The following GPM6A variants were observed in gnomAD, a reference collection of about 807,000 sequenced individuals.
GPM6A encodes the protein neuronal membrane glycoprotein M6-a.
In GPM6A, 7 loss-of-function variants were observed where a neutral mutation model predicts 32.1. The observed-to-expected ratio is 0.22, with a 90% confidence interval of 0.12 to 0.41. The LOEUF (loss-of-function observed/expected upper bound fraction) is 0.41, where lower values mean the gene tolerates loss of function less well. GPM6A is among the 10% of genes least tolerant of loss of function. The pLI is 1.00. For missense variants in GPM6A, 235 were observed against 347.2 expected, an observed-to-expected ratio of 0.68 and a Z score of 2.57; for synonymous variants, 130 against 123.4, an observed-to-expected ratio of 1.05 and a Z score of -0.35.
intron 3 of GPM6A, among the ~76,000 whole-genome samples, chr4:175,657,534 T>A (rs1056095274): frequency 6.6e-6 from 1 of 152,166 alleles, no homozygotes; most frequent in Non-Finnish European, 1.5e-5. Context: ...CTTTAGACTC[T>A]GACAGGGTAC....
intron 1 of GPM6A, among the ~76,000 whole-genome samples, chr4:175,979,255 T>A (rs191399308): frequency 3.2e-3 from 480 of 152,290 alleles, no homozygotes; most frequent in Non-Finnish European, 3.2e-3. Context: ...AGCATCAATT[T>A]ATATTACTGA....
intron 1 of GPM6A, chr4:175,962,516 G>T: frequency 5.6e-6 from 3 of 532,058 alleles, no homozygotes; most frequent in South Asian, 4.9e-5. Context: ...TCCCAGCAGT[G>T]ACTGACTATA....
At chr4:175,650,180 T>C (rs1380937325) in intron 4 of GPM6A, among the ~76,000 whole-genome samples, 4 of 152,182 alleles carry the variant, frequency 2.6e-5, no homozygotes, top group Non-Finnish European at 4.4e-5. Flanking sequence ...CACATGTACA[T>C]ATGAGTACTA....
chr4:175,746,995 G>GCCT (rs1732129771), intron 1 of GPM6A, among the ~76,000 whole-genome samples: 1 of 152,086 alleles, frequency 6.6e-6, no homozygotes, highest in East Asian at 1.9e-4. Flanking sequence ...AACCTAGGCT[G>GCCT]GCATGGTGGC....
At chr4:175,742,171 A>T (rs924079574) in intron 1 of GPM6A, among the ~76,000 whole-genome samples, 1 of 152,112 alleles carries the variant, frequency 6.6e-6, no homozygotes, top group Non-Finnish European at 1.5e-5. Context: ...CTAAGTTAAT[A>T]CCCAAATACT....
intron 1 of GPM6A, among the ~76,000 whole-genome samples, chr4:175,741,986 G>T (rs979097972): frequency 3.3e-5 from 5 of 151,890 alleles, no homozygotes; most frequent in Admixed American, 6.6e-5. Flanking sequence ...TTAAAGGTAA[G>T]AATTAAATTA....
chr4:175,753,931 C>G (rs1194073357), intron 1 of GPM6A, among the ~76,000 whole-genome samples: 1 of 152,056 alleles, frequency 6.6e-6, no homozygotes, highest in Non-Finnish European at 1.5e-5. Flanking sequence ...CAACACATAC[C>G]AACGCACCAG....
chr4:175,855,924 A>G (rs1344193009), intron 1 of GPM6A, among the ~76,000 whole-genome samples: 2 of 152,262 alleles, frequency 1.3e-5, no homozygotes, highest in African/African-American at 4.8e-5. Flanking sequence ...ACTAGCAAAC[A>G]GGAGCACGTA....
At chr4:175,951,892 T>C (rs887023483) in intron 1 of GPM6A, among the ~76,000 whole-genome samples, 3 of 152,132 alleles carry the variant, frequency 2.0e-5, no homozygotes, top group Admixed American at 2.0e-4. Context: ...AAAGACCAGC[T>C]TCTCTGAACA....
intron 1 of GPM6A, among the ~76,000 whole-genome samples, chr4:175,828,351 G>A (rs1195516990): frequency 1.3e-5 from 2 of 152,126 alleles, no homozygotes; most frequent in African/African-American, 4.8e-5. Flanking sequence ...TTTAGCAGGG[G>A]GCATATTTTG....
intron 1 of GPM6A, among the ~76,000 whole-genome samples, chr4:175,806,290 C>T (rs1368940991): frequency 1.3e-5 from 2 of 152,224 alleles, no homozygotes; most frequent in African/African-American, 2.4e-5. Flanking sequence ...GAAGCCATCA[C>T]TCCAAGGACA....
intron 1 of GPM6A, among the ~76,000 whole-genome samples, chr4:175,757,830 C>A (rs533107796): frequency 1.3e-5 from 2 of 152,154 alleles, no homozygotes; most frequent in South Asian, 4.2e-4. Flanking sequence ...GTTGACTGAA[C>A]AAAGAACCAT....
intron 1 of GPM6A, among the ~76,000 whole-genome samples, chr4:175,973,362 T>C (rs1475414001): frequency 3.9e-5 from 6 of 152,222 alleles, no homozygotes; most frequent in Non-Finnish European, 7.3e-5. Context: ...AACACGGTTT[T>C]GCTGTTTAAC....
chr4:175,886,216 G>A (rs757510722), intron 1 of GPM6A, among the ~76,000 whole-genome samples: 113 of 152,040 alleles, frequency 7.4e-4, no homozygotes, highest in African/African-American at 1.5e-3. Flanking sequence ...AACTGTACTC[G>A]TTATAGGAAA....
intron 1 of GPM6A, among the ~76,000 whole-genome samples, chr4:175,984,371 G>A (rs1740909050): frequency 6.6e-6 from 1 of 152,044 alleles, no homozygotes; most frequent in African/African-American, 2.4e-5. Context: ...CACCGTGTCA[G>A]CCAGGATGGT....
chr4:175,929,254 A>C (rs1738947260), intron 1 of GPM6A, among the ~76,000 whole-genome samples: 1 of 152,228 alleles, frequency 6.6e-6, no homozygotes, highest in South Asian at 2.1e-4. Context: ...TTTCATAAGC[A>C]AAAAGGAACA....
intron 1 of GPM6A, among the ~76,000 whole-genome samples, chr4:175,998,614 T>G (rs1741383141): frequency 6.6e-6 from 1 of 152,232 alleles, no homozygotes; most frequent in African/African-American, 2.4e-5. Flanking sequence ...AATCTTCTAT[T>G]CATTCTCTTA....
intron 1 of GPM6A, among the ~76,000 whole-genome samples, chr4:175,988,368 C>T (rs896186384): frequency 4.6e-5 from 7 of 152,190 alleles, no homozygotes; most frequent in African/African-American, 1.4e-4. Context: ...TTTCAGCTTA[C>T]TTGTTCAGAA....
chr4:175,789,039 A>G (rs961788370), intron 1 of GPM6A, among the ~76,000 whole-genome samples: 2 of 152,196 alleles, frequency 1.3e-5, no homozygotes, highest in African/African-American at 4.8e-5. Flanking sequence ...TGGGATTAGA[A>G]GACACCATGG....
Sources: allele counts gnomAD v4.1 joint callset (sites outside exome capture counted in the v4.1 genomes callset), GRCh38; gene constraint gnomAD v4.1.1; transcripts MANE v1.5; gene names NCBI Gene and HGNC (gene_info 2026-07-23, HGNC 2026-07-21).